PLSCR4: variants seen among roughly 807,000 people sequenced by gnomAD.
The protein encoded by PLSCR4 is Ca(2+)-dependent phospholipid scramblase 4.
In PLSCR4, 25 loss-of-function variants were observed where a neutral mutation model predicts 36.3. That is an observed-to-expected ratio of 0.69 (90% CI 0.50 to 0.96). The LOEUF (loss-of-function observed/expected upper bound fraction) is 0.96, where lower values mean the gene tolerates loss of function less well. PLSCR4 is among the 40% of genes least tolerant of loss of function. The pLI is 0.00. For synonymous variants in PLSCR4, 122 were observed against 132.9 expected (o/e 0.92, Z 0.56); for missense variants, 408 against 414.7 (o/e 0.98, Z 0.14).
At chr3:146,208,227 A>G (rs1280756248) in intron 3 of PLSCR4, among the ~76,000 whole-genome samples, 1 of 152,154 alleles carries the variant, frequency 6.6e-6, no homozygotes, top group Non-Finnish European at 1.5e-5. Flanking sequence ...GGCTAGCCAC[A>G]TGTATGAGAA....
intron 3 of PLSCR4, among the ~76,000 whole-genome samples, chr3:146,218,829 T>C (rs2035009599): frequency 6.6e-6 from 1 of 152,208 alleles, no homozygotes; most frequent in African/African-American, 2.4e-5. Flanking sequence ...TTTAGTTATT[T>C]TGAACATCAG....
chr3:146,240,904 T>C (rs552378485), intron 1 of PLSCR4, among the ~76,000 whole-genome samples: 33 of 152,274 alleles, frequency 2.2e-4, no homozygotes, highest in Admixed American at 7.2e-4. Context: ...ATAATAGCAT[T>C]ACACATAATA....
intron 4 of PLSCR4, 53 bp downstream of exon 4, chr3:146,206,473 G>T: frequency 1.5e-6 from 2 of 1,320,704 alleles, no homozygotes; most frequent in Non-Finnish European, 2.2e-6. Context: ...TCTCTTTGTT[G>T]GATCCCTATG....
chr3:146,239,367 C>T (rs13069649), intron 1 of PLSCR4, among the ~76,000 whole-genome samples: 2 of 151,966 alleles, frequency 1.3e-5, no homozygotes, highest in African/African-American at 4.8e-5. Context: ...TGGCATTGGT[C>T]CAAAGAATAG....
chr3:146,210,836 C>G (rs559041502), intron 3 of PLSCR4, among the ~76,000 whole-genome samples: 4 of 135,574 alleles, frequency 3.0e-5, no homozygotes, highest in South Asian at 5.5e-4. Context: ...ATACAATAGG[C>G]CTTTATGTCT....
Position 146,218,778 on chromosome 3 carries a change from A to G in PLSCR4, c.118+2037T>C, listed in dbSNP as rs372712773. On this transcript the variant is annotated intron_variant, in intron 3 of 8. Transcript: ENST00000354952. ...TCTGTTACGGAGCGTTGTCCTACCA[A>G]TACTGGTGTAAGACACACTGTCTGA... Among the ~76,000 whole-genome samples the G allele has an allele frequency of 3.7e-4, 57 of 152,290 alleles. 5 individuals carry two copies. The South Asian group carries it at 8.9e-3, about 24-fold the overall frequency.
chr3:146,217,965 A>T lies in PLSCR4; in HGVS notation c.118+2850T>A, dbSNP rs551316479. Among the ~76,000 whole-genome samples the T allele has an allele frequency of 5.9e-5, 9 of 152,288 alleles. No homozygotes were observed. In the South Asian group the frequency reaches 1.9e-3, roughly 32 times the overall value. On this transcript the variant is annotated intron_variant, in intron 3 of 8. Transcript: ENST00000354952. ...TAAAAGGAAGGGTGACTGGGAGAGG[A>T]GAGAGAAGGAGATGGGGAAGGGCAG...
intron 1 of PLSCR4, among the ~76,000 whole-genome samples, chr3:146,226,201 T>C (rs563543405): frequency 6.6e-6 from 1 of 152,238 alleles, no homozygotes; most frequent in Admixed American, 6.5e-5. Context: ...TCTATTAGGG[T>C]GATAAGAACA....
chr3:146,228,026 G>T (rs1018890460), intron 1 of PLSCR4, among the ~76,000 whole-genome samples: 2 of 152,188 alleles, frequency 1.3e-5, no homozygotes, highest in African/African-American at 4.8e-5. Flanking sequence ...TCCAGAGTGG[G>T]TTCAAATCTC....
intron 1 of PLSCR4, among the ~76,000 whole-genome samples, chr3:146,227,478 G>A (rs1239229766): frequency 6.6e-6 from 1 of 152,186 alleles, no homozygotes; most frequent in Non-Finnish European, 1.5e-5. Flanking sequence ...CACCCAACAA[G>A]CGCAGCTGTG....
intron 4 of PLSCR4, among the ~76,000 whole-genome samples, chr3:146,201,289 A>G (rs1400307289): frequency 6.6e-6 from 1 of 152,082 alleles, no homozygotes. Flanking sequence ...TATTAGAAAA[A>G]CACTTTCTTT....
intron 3 of PLSCR4, among the ~76,000 whole-genome samples, chr3:146,215,121 C>T (rs1362071118): frequency 6.6e-6 from 1 of 151,928 alleles, no homozygotes. Context: ...TGTTTTGATA[C>T]AGCATTTTAC....
chr3:146,229,426 G>A (rs1227781222), intron 1 of PLSCR4, among the ~76,000 whole-genome samples: 2 of 151,780 alleles, frequency 1.3e-5, no homozygotes, highest in South Asian at 2.1e-4. Context: ...TAAAAAACCT[G>A]ACTCTAGTTA....
At chr3:146,209,588 C>T (rs2034518083) in intron 3 of PLSCR4, among the ~76,000 whole-genome samples, 1 of 151,806 alleles carries the variant, frequency 6.6e-6, no homozygotes, top group African/African-American at 2.4e-5. Flanking sequence ...ATGAGAATGC[C>T]ATTACTGCAT....
chr3:146,246,752 G>A (rs1365978660), intron 1 of PLSCR4, among the ~76,000 whole-genome samples: 1 of 152,090 alleles, frequency 6.6e-6, no homozygotes, highest in Non-Finnish European at 1.5e-5. Flanking sequence ...AAGATGTCAT[G>A]TTGCATACAG....
In PLSCR4 at chr3:146,193,327, G is replaced by C. The variant is rs1200296053; in HGVS notation, c.*1084C>G. On this transcript the variant is annotated 3_prime_UTR_variant, in exon 9 of 9. Transcript: ENST00000354952. ...AGCAAAGCAGTATTAAGCAGCGGTG[G>C]AATTTGTCGCTTTCACTTTTTATAA... 3.3e-5 allele frequency: 5 copies of C among 152,016 alleles called. No homozygotes were observed. Among genetic ancestry groups the C allele is most frequent in the African/African-American group, 1.2e-4 (5 of 41,374 alleles). The allele number at this position is 152,016 out of a possible 1,614,324, so 9.4% of individuals were successfully genotyped here. A position where few individuals can be genotyped will look rare whatever the true frequency, so the allele number is the denominator to read the frequency against.
chr3:146,238,122 A>G (rs889392041), intron 1 of PLSCR4, among the ~76,000 whole-genome samples: 9 of 151,828 alleles, frequency 5.9e-5, no homozygotes, highest in Non-Finnish European at 4.4e-5. Flanking sequence ...GACAGACACT[A>G]CCAAAACTGA....
intron 4 of PLSCR4, among the ~76,000 whole-genome samples, chr3:146,201,440 T>C (rs1391536518): frequency 6.6e-6 from 1 of 152,074 alleles, no homozygotes; most frequent in African/African-American, 2.4e-5. Flanking sequence ...ATGTCATCCA[T>C]AGCCTGTAGT....
chr3:146,225,772 CG>C (rs1469473118), intron 1 of PLSCR4, among the ~76,000 whole-genome samples: 6 of 152,184 alleles, frequency 3.9e-5, no homozygotes, highest in African/African-American at 1.4e-4. Flanking sequence ...CCAGCTGGCC[CG>C]CAAGCGCCGC....
Sources: allele counts gnomAD v4.1 joint callset (sites outside exome capture counted in the v4.1 genomes callset), GRCh38; gene constraint gnomAD v4.1.1; transcripts MANE v1.5; gene names NCBI Gene and HGNC (gene_info 2026-07-23, HGNC 2026-07-21).